The following FHOD3 variants were observed in gnomAD, a reference collection of about 807,000 sequenced individuals.
The protein encoded by FHOD3 is formin homology 2 domain containing 3.
Under a neutral mutation model 173.0 loss-of-function variants are expected in FHOD3, and 90 were observed. The ratio of observed to expected loss-of-function variants is 0.52; its 90% CI spans 0.44 to 0.62. The LOEUF (loss-of-function observed/expected upper bound fraction) is 0.62. Among genes scored for constraint, FHOD3 ranks in the 20% least tolerant of loss-of-function variants. The pLI, the probability that FHOD3 is intolerant of heterozygous loss-of-function variation, is 0.00. For missense variants in FHOD3, 1,945 were observed against 2,034.7 expected, an observed-to-expected ratio of 0.96 and a Z score of 0.85; for synonymous variants, 828 against 823.0, an observed-to-expected ratio of 1.01 and a Z score of -0.10.
At chr18:36,409,878 C>T (rs2049265016) in intron 3 of FHOD3, among the ~76,000 whole-genome samples, 1 of 152,146 alleles carries the variant, frequency 6.6e-6, no homozygotes, top group South Asian at 2.1e-4. Context: ...CTCTGTTGAC[C>T]TAATATGTTG....
Position 36,389,040 on chromosome 18 carries a change from T to C in FHOD3, c.337+16296T>C, listed in dbSNP as rs73418920. Among the ~76,000 whole-genome samples the C allele has an allele frequency of 5.9e-3, 892 of 152,246 alleles. 8 individuals carry two copies. Among genetic ancestry groups the C allele is most frequent in the African/African-American group, 0.02 (839 of 41,502 alleles). ...TGCAGATGAGCGGTCAGCCTGCCAG[T>C]GTTTGCAACGTTCCTGCACGACGGG... On this transcript the variant is annotated intron_variant, in intron 3 of 28. Coordinates refer to ENST00000590592, the MANE Select transcript of FHOD3 (RefSeq NM_001281740.3).
intron 10 of FHOD3, among the ~76,000 whole-genome samples, chr18:36,635,834 G>C (rs2034844087): frequency 6.6e-6 from 1 of 152,126 alleles, no homozygotes; most frequent in South Asian, 2.1e-4. Context: ...GAACTGGCTG[G>C]GGAAAACCAG....
chr18:36,584,694 C>T (rs2058967490), intron 6 of FHOD3, among the ~76,000 whole-genome samples: 1 of 152,090 alleles, frequency 6.6e-6, no homozygotes, highest in African/African-American at 2.4e-5. Flanking sequence ...GTAGTCCCAG[C>T]TATCGGGAGG....
Position 36,614,135 on chromosome 18 carries a change from C to A in FHOD3, c.957+2040C>A, listed in dbSNP as rs187860235. ...TTGCTTTTGTCACTCCCAAAAGAAA[C>A]CCCCACACCCATTAGCAGACACTCT... On this transcript the variant is annotated intron_variant, in intron 9 of 28. Transcript: ENST00000590592. 2.8e-3 allele frequency among the ~76,000 whole-genome samples: 423 copies of A among 152,264 alleles called. 2 individuals are homozygous for A. Among genetic ancestry groups the A allele is most frequent in the Non-Finnish European group, 4.6e-3 (316 of 68,010 alleles).
At chr18:36,459,674 TC>T (rs1371671191) in intron 3 of FHOD3, among the ~76,000 whole-genome samples, 2 of 152,190 alleles carry the variant, frequency 1.3e-5, no homozygotes, top group African/African-American at 4.8e-5. Flanking sequence ...GATTTTTTTT[TC>T]ATTTTGAAAA....
At chr18:36,769,155 C>G in intron 27 of FHOD3, 110 bp from the exon 28 acceptor site, 1 of 1,303,812 alleles carries the variant, frequency 7.7e-7, no homozygotes, top group South Asian at 1.4e-5. Flanking sequence ...CTCTGGCCTT[C>G]CCTGTGATCT....
intron 1 of FHOD3, among the ~76,000 whole-genome samples, chr18:36,337,173 A>G (rs143847922): frequency 0.2 from 14,998 of 76,110 alleles, 1,071 homozygotes; most frequent in East Asian, 0.54. Context: ...CTCTGTCTCA[A>G]AAAAAAAAAA....
intron 1 of FHOD3, among the ~76,000 whole-genome samples, chr18:36,337,957 A>T (rs1489589772): frequency 6.6e-6 from 1 of 152,206 alleles, no homozygotes; most frequent in Non-Finnish European, 1.5e-5. Context: ...TCTTAAAGGC[A>T]GCACAGCCCT....
At chr18:36,571,260 C>T (rs929791592) in intron 5 of FHOD3, among the ~76,000 whole-genome samples, 1 of 152,102 alleles carries the variant, frequency 6.6e-6, no homozygotes, top group Non-Finnish European at 1.5e-5. Flanking sequence ...TTTTAAAACA[C>T]CGTTTGTAAT....
At chr18:36,760,872 C>T in intron 27 of FHOD3, 90 bp downstream of exon 27, 1 of 1,363,982 alleles carries the variant, frequency 7.3e-7, no homozygotes, top group African/African-American at 1.5e-5. Context: ...CGGTCCACGG[C>T]TGTGACTGGC....
chr18:36,687,281 T>G (rs1000639802), intron 16 of FHOD3, 103 bp downstream of exon 16: 1 of 858,354 alleles, frequency 1.2e-6, no homozygotes, highest in Non-Finnish European at 1.9e-6. Context: ...CTGCTTCACC[T>G]AAAACCTTAC....
At chr18:36,714,418 G>A (rs1442122468) in intron 18 of FHOD3, among the ~76,000 whole-genome samples, 1 of 152,112 alleles carries the variant, frequency 6.6e-6, no homozygotes, top group Non-Finnish European at 1.5e-5. Context: ...CGCGCCTGTA[G>A]TCACAGCTAC....
chr18:36,652,360 T>G (rs2036116632), intron 11 of FHOD3, among the ~76,000 whole-genome samples: 1 of 152,250 alleles, frequency 6.6e-6, no homozygotes, highest in South Asian at 2.1e-4. Flanking sequence ...CCTCCTGGTT[T>G]GACAAACTCA....
chr18:36,713,554 A>C (rs1320279554), intron 18 of FHOD3, among the ~76,000 whole-genome samples: 1 of 152,274 alleles, frequency 6.6e-6, no homozygotes, highest in African/African-American at 2.4e-5. Flanking sequence ...GTACAAGTAT[A>C]CAATTTGAAA....
chr18:36,618,589 G>A (rs964303624), intron 9 of FHOD3, among the ~76,000 whole-genome samples: 2 of 152,130 alleles, frequency 1.3e-5, no homozygotes, highest in African/African-American at 4.8e-5. Flanking sequence ...TAGGATTACA[G>A]GCGTGAGCCA....
At chr18:36,346,904 A>G (rs1017756744) in intron 1 of FHOD3, among the ~76,000 whole-genome samples, 2 of 152,190 alleles carry the variant, frequency 1.3e-5, no homozygotes, top group Non-Finnish European at 2.9e-5. Context: ...GGACTTTTGC[A>G]TCCACTGTGC....
At chr18:36,327,912 A>T (rs765400553) in intron 1 of FHOD3, among the ~76,000 whole-genome samples, 1 of 152,168 alleles carries the variant, frequency 6.6e-6, no homozygotes, top group Non-Finnish European at 1.5e-5. Context: ...CCTGTGTTCC[A>T]ATAAAGCTTT....
intron 1 of FHOD3, among the ~76,000 whole-genome samples, chr18:36,344,914 G>A (rs1186095040): frequency 4.6e-5 from 7 of 152,302 alleles, no homozygotes; most frequent in Non-Finnish European, 8.8e-5. Flanking sequence ...CTTCAGGCAG[G>A]AAATATTACT....
intron 17 of FHOD3, among the ~76,000 whole-genome samples, chr18:36,696,756 T>C (rs777025775): frequency 2.0e-5 from 3 of 152,206 alleles, no homozygotes; most frequent in East Asian, 1.9e-4. Flanking sequence ...GTCTAAGTAC[T>C]TTCCTTCTTT....
Sources: gnomAD v4.1 joint callset for allele counts (sites outside exome capture counted in the v4.1 genomes callset) on GRCh38, gnomAD v4.1.1 for gene constraint, MANE v1.5 for transcripts, NCBI Gene and HGNC (gene_info 2026-07-23, HGNC 2026-07-21) for gene names.